DTX4: variants seen among roughly 807,000 people sequenced by gnomAD.
DTX4 encodes the protein deltex E3 ubiquitin ligase 4, also known as E3 ubiquitin-protein ligase DTX4.
DTX4 carries 28 observed loss-of-function variants against 57.6 expected under a neutral mutation model. The observed-to-expected ratio is 0.49, with a 90% CI of 0.36 to 0.67. The LOEUF (loss-of-function observed/expected upper bound fraction) is 0.67. Ranked by LOEUF, DTX4 falls within the 30% of genes least tolerant of loss-of-function variation. The pLI is 0.00. For missense variants in DTX4, 715 were observed against 836.8 expected, an observed-to-expected ratio of 0.85 and a Z score of 1.80; for synonymous variants, 316 against 331.0, an observed-to-expected ratio of 0.95 and a Z score of 0.49.
intron 2 of DTX4, 125 bp downstream of exon 2, chr11:59,182,587 G>A: frequency 7.5e-7 from 1 of 1,327,680 alleles, no homozygotes; most frequent in Non-Finnish European, 1.0e-6. Flanking sequence ...ACCCCTGGCT[G>A]CAGGTGAAGG....
intron 6 of DTX4, chr11:59,194,762 G>C: frequency 5.1e-6 from 1 of 197,544 alleles, no homozygotes; most frequent in South Asian, 8.5e-5. Context: ...CAGCTTCCCA[G>C]TTCTTACTCA....
At chr11:59,189,895 AC>A (rs1269008171) in intron 4 of DTX4, among the ~76,000 whole-genome samples, 1 of 152,046 alleles carries the variant, frequency 6.6e-6, no homozygotes, top group Non-Finnish European at 1.5e-5. Flanking sequence ...CAATATCTGT[AC>A]CTTCCTAGCA....
chr11:59,188,092 T>A (rs1054014024), intron 2 of DTX4, among the ~76,000 whole-genome samples: 12 of 152,218 alleles, frequency 7.9e-5, no homozygotes, highest in African/African-American at 2.7e-4. Context: ...TCTTTGTTTT[T>A]TCATCCTTCA....
intron 7 of DTX4, 101 bp downstream of exon 7, chr11:59,195,470 A>G (rs1208848745): frequency 1.9e-5 from 26 of 1,359,030 alleles, no homozygotes; most frequent in Non-Finnish European, 2.4e-5. Flanking sequence ...TCCTTCCCAC[A>G]CTTTTCCGCC....
intron 7 of DTX4, among the ~76,000 whole-genome samples, chr11:59,197,516 T>C (rs920104648): frequency 1.3e-5 from 2 of 151,324 alleles, no homozygotes; most frequent in Non-Finnish European, 2.9e-5. Context: ...AGGGCGGGGG[T>C]CGTGGATTTT....
intron 1 of DTX4, among the ~76,000 whole-genome samples, chr11:59,175,924 A>T (rs942338430): frequency 4.0e-5 from 6 of 150,150 alleles, no homozygotes; most frequent in Non-Finnish European, 1.5e-5. Flanking sequence ...AATGAAGAGC[A>T]GGCTTAAGAT....
chr11:59,200,625 T>G (rs1003461077), intron 8 of DTX4, among the ~76,000 whole-genome samples: 4 of 152,250 alleles, frequency 2.6e-5, no homozygotes, highest in African/African-American at 9.6e-5. Flanking sequence ...TATTTGACTT[T>G]TTCCCAAAAG....
Position 59,172,712 on chromosome 11 carries a change from C to A in DTX4, c.117C>A (p.Arg39=). Residue 39 remains arginine (R), a synonymous_variant, in exon 1 of 9, where the codon CGC becomes CGA. Transcript: ENST00000227451. ...AGGCGGTGGTCCGCGCCGGCCCCCG[C>A]GCGGGGGGCAGCGTGGTGCTGGGCC... ...HIEAVVRAGP[R]AGGSVVLGQV... is the part of the protein sequence containing the mutation. 6.2e-7 allele frequency: 1 copy of A among 1,602,852 alleles called. No homozygotes were observed. The highest frequency in any genetic ancestry group is 8.5e-7 in the Non-Finnish European group (1 of 1,176,434).
At position 59,185,370 on chromosome 11, in the gene DTX4, CTCTCT is replaced by C. The variant is rs143798371; in HGVS notation, c.935+2915_935+2919del. 2.0e-5 allele frequency: 3 copies of C among 152,354 alleles called. No homozygotes were observed. In the East Asian group the frequency reaches 5.8e-4, roughly 29 times the overall value. 9.4% of individuals were successfully genotyped at this position (152,354 alleles called of 1,614,324 possible). On this transcript the variant is annotated intron_variant, in intron 2 of 8. Coordinates refer to ENST00000227451, the MANE Select transcript of DTX4 (RefSeq NM_015177.2). ...ACTCCTTTCTCTGCCACCTTGCCAG[CTCTCT>C]TCTCTTGTCTTAGTTTTATGTTTTA...
intron 1 of DTX4, among the ~76,000 whole-genome samples, chr11:59,178,985 A>T (rs890724022): frequency 3.3e-5 from 5 of 151,946 alleles, no homozygotes; most frequent in African/African-American, 1.2e-4. Context: ...GATCCATGGC[A>T]TAGTTTCCAG....
Position 59,195,195 on chromosome 11 carries a change from C to A in DTX4, c.1375-13C>A. On this transcript the variant is annotated splice_polypyrimidine_tract_variant and intron_variant, in intron 6 of 8. Coordinates refer to ENST00000227451, the MANE Select transcript of DTX4 (RefSeq NM_015177.2). ...TGTTTCCCAATCTGGCTCTTCTGGC[C>A]TTGGCCCCTCAGGATGGAAGTTTGC... The A allele has an allele frequency of 6.2e-7, 1 of 1,613,920 alleles. No homozygotes were observed.
In DTX4 at chr11:59,182,080, C is replaced by T. The variant is rs771614526; in HGVS notation, c.553C>T (p.Pro185Ser). The change falls in exon 2 of 9, where the codon CCC (proline) becomes TCC (serine). Residue 185 changes from proline (P) to serine (S), a missense_variant. Transcript: ENST00000227451. Reference protein sequence around the residue: ...PVSPGPATSPPMSPCSCPQCV... With the variant: ...PVSPGPATSPSMSPCSCPQCV... Reference sequence around the variant, plus strand: ...CAGCCCTGGGCCAGCCACCTCGCCCCCCATGTCCCCCTGCTCCTGTCCCCA... The same window carrying T: ...CAGCCCTGGGCCAGCCACCTCGCCCTCCATGTCCCCCTGCTCCTGTCCCCA... The T allele has an allele frequency of 1.2e-6, 2 of 1,612,664 alleles. No individual in the cohort carries two copies. Among genetic ancestry groups the T allele is most frequent in the Non-Finnish European group, 1.7e-6 (2 of 1,179,128 alleles).
intron 1 of DTX4, among the ~76,000 whole-genome samples, chr11:59,176,310 C>T (rs1862394949): frequency 6.6e-6 from 1 of 152,182 alleles, no homozygotes; most frequent in Non-Finnish European, 1.5e-5. Context: ...TTGTTTAATC[C>T]TCACAACAAT....
In DTX4 at chr11:59,182,031, G is replaced by A. The variant is rs766302990; in HGVS notation, c.504G>A (p.Leu168=). The change falls in exon 2 of 9, where the codon TTG becomes TTA. Residue 168 remains leucine, a synonymous_variant. Coordinates refer to ENST00000227451, the MANE Select transcript of DTX4 (RefSeq NM_015177.2). ...TCTACCCCATGGTCACAGGGACCTT[G>A]CCTAAGGCTCAGTCCTGGCCAGTCA... The part of the protein sequence containing the change: ...DLIYPMVTGT[L]PKAQSWPVSP... The A allele has an allele frequency of 1.2e-6, 2 of 1,613,472 alleles. No homozygotes were observed. The highest frequency in any genetic ancestry group is 8.5e-7 in the Non-Finnish European group (1 of 1,179,654).
At chr11:59,186,441 TG>T (rs1358540524) in intron 2 of DTX4, among the ~76,000 whole-genome samples, 47 of 152,276 alleles carry the variant, frequency 3.1e-4, no homozygotes, top group Admixed American at 2.5e-3. Flanking sequence ...GGTGCAGGTC[TG>T]GGTTCTGAGT....
In DTX4 at chr11:59,182,226, A is replaced by G; in HGVS notation, c.699A>G (p.Pro233=). 6.2e-7 allele frequency: 1 copy of G among 1,609,502 alleles called. No individual in the cohort carries two copies. Among genetic ancestry groups the G allele is most frequent in the East Asian group, 2.2e-5 (1 of 44,770 alleles). ...GAGTGGTCAAGCTACCCCCACTGCC[A>G]GGCTCTGGGGCCAAGCCACTGGACA... The part of the protein sequence containing the change: ...PPGVVKLPPL[P]GSGAKPLDST... The change falls in exon 2 of 9, where the codon CCA becomes CCG. Residue 233 remains proline (P), a synonymous_variant. Coordinates refer to ENST00000227451, the MANE Select transcript of DTX4 (RefSeq NM_015177.2).
chr11:59,205,019 CT>C lies in DTX4; in HGVS notation c.*111del, dbSNP rs1862787781. ...TGTCCTGCCCTCCCAACTTTCTATC[CT>C]CCCCTCCTGCCCTGTGTCCATCCCT... On this transcript the variant is annotated 3_prime_UTR_variant, in exon 9 of 9. Coordinates refer to ENST00000227451, the MANE Select transcript of DTX4 (RefSeq NM_015177.2). 2.2e-6 allele frequency: 2 copies of C among 927,804 alleles called. No homozygotes were observed. The allele number at this position is 927,804 out of a possible 1,614,324, so 57.5% of individuals were successfully genotyped here. A position where few individuals can be genotyped will look rare whatever the true frequency, so the allele number is the denominator to read the frequency against.
chr11:59,197,260 T>C (rs528015670), intron 7 of DTX4, among the ~76,000 whole-genome samples: 1 of 152,254 alleles, frequency 6.6e-6, no homozygotes, highest in South Asian at 2.1e-4. Flanking sequence ...TAGAGGAGAC[T>C]TTCTAGTGCA....
chr11:59,199,194 A>T (rs1862711080), intron 7 of DTX4, among the ~76,000 whole-genome samples: 2 of 152,246 alleles, frequency 1.3e-5, no homozygotes. Context: ...AGTAGTTAAA[A>T]ATCCAGAGTG....
Sources: allele counts gnomAD v4.1 joint callset (sites outside exome capture counted in the v4.1 genomes callset), GRCh38; gene constraint gnomAD v4.1.1; transcripts MANE v1.5; gene names NCBI Gene and HGNC (gene_info 2026-07-23, HGNC 2026-07-21).